The following DYRK4 variants were observed in gnomAD, a reference collection of about 807,000 sequenced individuals.
The protein encoded by DYRK4 is dual specificity tyrosine-phosphorylation-regulated kinase 4.
In DYRK4, 64 loss-of-function variants were observed where a neutral mutation model predicts 68.3. That is an observed-to-expected ratio of 0.94 (90% confidence interval 0.77 to 1.15). The LOEUF (loss-of-function observed/expected upper bound fraction) is 1.15. Ranked by LOEUF, DYRK4 falls within the 50% of genes most tolerant of loss-of-function variation. The pLI is 0.00. For missense variants in DYRK4, 740 were observed against 764.7 expected (o/e 0.97, Z 0.38); for synonymous variants, 274 against 289.9 (o/e 0.95, Z 0.56).
intron 4 of DYRK4, chr12:4,590,802 G>A (rs887286884): frequency 1.8e-5 from 7 of 390,814 alleles, no homozygotes; most frequent in African/African-American, 6.2e-5. Flanking sequence ...TGAAAGAGGC[G>A]TCACACACAC....
chr12:4,581,455 T>G (rs905119212), intron 2 of DYRK4, among the ~76,000 whole-genome samples: 1 of 152,200 alleles, frequency 6.6e-6, no homozygotes, highest in African/African-American at 2.4e-5. Flanking sequence ...GCATTCTCTT[T>G]GAAATTGCAG....
intron 1 of DYRK4, 39 bp from the exon 2 acceptor site, chr12:4,567,916 C>T: frequency 8.0e-6 from 12 of 1,505,414 alleles, no homozygotes; most frequent in Non-Finnish European, 9.8e-6. Flanking sequence ...TTAGATTTGA[C>T]TCCTCCTGCC....
intron 10 of DYRK4, among the ~76,000 whole-genome samples, 175 bp downstream of exon 10, chr12:4,599,963 T>A (rs965890583): frequency 4.6e-5 from 7 of 152,228 alleles, no homozygotes; most frequent in African/African-American, 1.7e-4. Context: ...TTTGAGAAAG[T>A]TGTATCCAAA....
At chr12:4,593,546 T>G (rs567777035) in intron 6 of DYRK4, among the ~76,000 whole-genome samples, 1 of 152,324 alleles carries the variant, frequency 6.6e-6, no homozygotes, top group East Asian at 1.9e-4. Context: ...CATGGACTCT[T>G]TTCTATTTTA....
chr12:4,599,699 C>T lies in DYRK4; in HGVS notation c.1045-8C>T. ...TGTAGCTTGACATATGTCTTTTCTT[C>T]TCTCTAGGAAAATATAGTGCTATAC... On this transcript the variant is annotated splice_polypyrimidine_tract_variant and splice_region_variant and intron_variant, in intron 9 of 14. Coordinates refer to ENST00000543431, the MANE Select transcript of DYRK4 (RefSeq NM_001394779.1). The T allele has an allele frequency of 6.2e-7, 1 of 1,610,246 alleles. No homozygotes were observed. The highest frequency in any genetic ancestry group is 8.5e-7 in the Non-Finnish European group (1 of 1,177,148).
chr12:4,593,930 T>C (rs890470988), intron 6 of DYRK4, among the ~76,000 whole-genome samples: 1 of 152,230 alleles, frequency 6.6e-6, no homozygotes, highest in Non-Finnish European at 1.5e-5. Context: ...CTAGCATTAC[T>C]GTGAACACAA....
In DYRK4 at chr12:4,598,962, C is replaced by A; in HGVS notation, c.906-66C>A. ...AAACCAGGTGATACAAGATTGTTTGCAGGTTCAAACTCAGCCTTATATGTT... is the reference window on the plus strand; with the variant it reads ...AAACCAGGTGATACAAGATTGTTTGAAGGTTCAAACTCAGCCTTATATGTT... On this transcript the variant is annotated intron_variant, in intron 8 of 14. Transcript: ENST00000543431. The A allele has an allele frequency of 1.9e-6, 3 of 1,567,496 alleles. No individual in the cohort carries two copies. The Admixed American group carries it at 5.1e-5, about 27-fold the overall frequency.
intron 2 of DYRK4, among the ~76,000 whole-genome samples, chr12:4,585,381 C>T (rs1338676153): frequency 1.3e-5 from 2 of 152,192 alleles, no homozygotes; most frequent in Non-Finnish European, 2.9e-5. Context: ...CCTTGCATTG[C>T]ATGGAACCAT....
At chr12:4,574,023 AGACCATCCTGGCTAACACG>A (rs1335435666) in intron 2 of DYRK4, among the ~76,000 whole-genome samples, 2 of 152,086 alleles carry the variant, frequency 1.3e-5, no homozygotes, top group Non-Finnish European at 2.9e-5. Context: ...CAGGAGATGG[AGACCATCCTGGCTAACACG>A]GTGAAACCGC....
intron 2 of DYRK4, among the ~76,000 whole-genome samples, chr12:4,574,466 T>G (rs2137329706): frequency 6.6e-6 from 1 of 152,316 alleles, no homozygotes; most frequent in South Asian, 2.1e-4. Flanking sequence ...GACTGCTTTT[T>G]ATGCTCAGTG....
intron 11 of DYRK4, among the ~76,000 whole-genome samples, chr12:4,605,842 G>C (rs1387379413): frequency 6.7e-6 from 1 of 149,516 alleles, no homozygotes; most frequent in African/African-American, 2.5e-5. Context: ...ATTGCTTGGT[G>C]GTGTAGATGT....
chr12:4,607,191 A>T, intron 11 of DYRK4, 136 bp from the exon 12 acceptor site: 2 of 919,772 alleles, frequency 2.2e-6, no homozygotes, highest in Non-Finnish European at 3.4e-6. Flanking sequence ...TTGCTCTGCT[A>T]CTGACCAGAT....
In DYRK4 at chr12:4,607,343, C is replaced by T. The variant is rs759452878; in HGVS notation, c.1316C>T (p.Pro439Leu). Residue 439 changes from proline to leucine, a missense_variant, in exon 12 of 15, where the codon CCA becomes CTA. Transcript: ENST00000543431. ...ACIMEVLGLP[P>L]AGFIQTASRR... ...CTTATTAAGGTGCTGGGTCTGCCGC[C>T]AGCCGGCTTCATTCAGACAGCCTCC... 1.9e-6 allele frequency: 3 copies of T among 1,614,228 alleles called. No individual in the cohort carries two copies. Among genetic ancestry groups the T allele is most frequent in the Non-Finnish European group, 2.5e-6 (3 of 1,180,036 alleles).
At chr12:4,590,121 G>C (rs374066112) in intron 3 of DYRK4, 232 of 1,320,150 alleles carry the variant, frequency 1.8e-4, no homozygotes, top group Middle Eastern at 1.7e-3. Flanking sequence ...TAGTAGAGCA[G>C]GGACTCAAAC....
At chr12:4,577,197 C>A (rs1311104349) in intron 2 of DYRK4, among the ~76,000 whole-genome samples, 1 of 152,072 alleles carries the variant, frequency 6.6e-6, no homozygotes, top group African/African-American at 2.4e-5. Context: ...AATTCTGTGT[C>A]TAGATTAATT....
chr12:4,571,161 G>A (rs1460809182), intron 2 of DYRK4, among the ~76,000 whole-genome samples: 1 of 152,180 alleles, frequency 6.6e-6, no homozygotes, highest in Non-Finnish European at 1.5e-5. Flanking sequence ...AGAGAACCTG[G>A]GAGAGAGTCC....
At chr12:4,595,333 A>G (rs766477256) in intron 6 of DYRK4, among the ~76,000 whole-genome samples, 2 of 152,250 alleles carry the variant, frequency 1.3e-5, no homozygotes, top group Non-Finnish European at 2.9e-5. Flanking sequence ...GTGTAACACT[A>G]GAAATTAGAG....
At position 4,605,729 on chromosome 12, in the gene DYRK4, G is replaced by GTTTTT. The variant is rs58963826; in HGVS notation, c.1299+665_1299+669dup. ...CTCTTAGAAAAATGAATAGAGCTGG[G>GTTTTT]TTTTTTTTTTTTTTTTTTTTTTTTT... On this transcript the variant is annotated intron_variant, in intron 11 of 14. Transcript: ENST00000543431. 3.3e-4 allele frequency among the ~76,000 whole-genome samples: 34 copies of GTTTTT among 102,102 alleles called. 4 individuals are homozygous for GTTTTT. The highest frequency in any genetic ancestry group is 8.4e-4 in the African/African-American group (23 of 27,352). The allele number at this position is 102,102 out of a possible 152,430, so 67.0% of individuals were successfully genotyped here.
chr12:4,576,551 G>T (rs1196225961), intron 2 of DYRK4, among the ~76,000 whole-genome samples: 3 of 152,208 alleles, frequency 2.0e-5, no homozygotes, highest in Non-Finnish European at 4.4e-5. Context: ...TTGCTGGATT[G>T]TATGTTAAGG....
Sources: allele counts gnomAD v4.1 joint callset (sites outside exome capture counted in the v4.1 genomes callset), GRCh38; gene constraint gnomAD v4.1.1; transcripts MANE v1.5; gene names NCBI Gene and HGNC (gene_info 2026-07-23, HGNC 2026-07-21).